GNG2: variants seen among roughly 807,000 people sequenced by gnomAD.
GNG2 encodes G protein subunit gamma 2.
A neutral mutation model predicts 5.5 loss-of-function variants in GNG2; 5 were observed. That is an observed-to-expected ratio of 0.91 (90% confidence interval 0.48 to 1.92). The LOEUF (loss-of-function observed/expected upper bound fraction) is 1.92, where lower values mean the gene tolerates loss of function less well. Among genes scored for constraint, GNG2 ranks in the 30% most tolerant of loss-of-function variants. The pLI is 0.01. For synonymous variants in GNG2, 28 were observed against 32.0 expected (o/e 0.88, Z 0.42); for missense variants, 55 against 88.4 (o/e 0.62, Z 1.52).
chr14:51,938,687 GCAAA>G (rs1888148751), intron 2 of GNG2, among the ~76,000 whole-genome samples: 1 of 152,168 alleles, frequency 6.6e-6, no homozygotes, highest in Admixed American at 6.5e-5. Flanking sequence ...CACAGTGATG[GCAAA>G]CAGTGAATTT....
At chr14:51,850,392 T>G (rs1400086710) in intron 2 of GNG2, among the ~76,000 whole-genome samples, 1 of 152,270 alleles carries the variant, frequency 6.6e-6, no homozygotes, top group East Asian at 1.9e-4. Flanking sequence ...CTAATCTTCT[T>G]CCTTATTCTC....
intron 1 of GNG2, among the ~76,000 whole-genome samples, chr14:51,864,048 C>T (rs1353645613): frequency 1.3e-5 from 2 of 152,174 alleles, no homozygotes; most frequent in Admixed American, 1.3e-4. Context: ...TGATGGAACA[C>T]AGTAATTATA....
chr14:51,845,673 T>C (rs751798585), intron 2 of GNG2, among the ~76,000 whole-genome samples: 6 of 152,168 alleles, frequency 3.9e-5, no homozygotes, highest in Non-Finnish European at 7.4e-5. Context: ...CAGAGAGTCA[T>C]CCCAGATGTC....
At chr14:51,867,998 A>G (rs1883027385) in intron 1 of GNG2, among the ~76,000 whole-genome samples, 1 of 152,108 alleles carries the variant, frequency 6.6e-6, no homozygotes, top group African/African-American at 2.4e-5. Flanking sequence ...TTTGTTTATC[A>G]TTCATTTATT....
At chr14:51,883,844 A>G (rs1201233902) in intron 2 of GNG2, among the ~76,000 whole-genome samples, 5 of 152,146 alleles carry the variant, frequency 3.3e-5, no homozygotes, top group African/African-American at 1.2e-4. Flanking sequence ...CATACACTAT[A>G]TACTGTGTAC....
intron 2 of GNG2, among the ~76,000 whole-genome samples, chr14:51,834,215 T>C (rs1482214763): frequency 6.6e-6 from 1 of 152,200 alleles, no homozygotes; most frequent in African/African-American, 2.4e-5. Flanking sequence ...TCTCAGAGGA[T>C]TCCTGTCTAT....
chr14:51,958,156 G>C (rs987225253), intron 3 of GNG2, among the ~76,000 whole-genome samples: 2 of 152,206 alleles, frequency 1.3e-5, no homozygotes, highest in Admixed American at 1.3e-4. Context: ...ACTGAAAGTG[G>C]TTATTGCGTC....
At chr14:51,892,485 G>C (rs1310311899) in intron 2 of GNG2, among the ~76,000 whole-genome samples, 1 of 151,980 alleles carries the variant, frequency 6.6e-6, no homozygotes, top group Non-Finnish European at 1.5e-5. Flanking sequence ...ATTTTTTATA[G>C]AGACGGTTTT....
chr14:51,865,750 T>C (rs1220957842), intron 1 of GNG2, among the ~76,000 whole-genome samples: 2 of 152,180 alleles, frequency 1.3e-5, no homozygotes, highest in Non-Finnish European at 1.5e-5. Context: ...TAGTACCCTA[T>C]GTAAATATGG....
At chr14:51,935,177 A>C (rs1265381923) in intron 2 of GNG2, among the ~76,000 whole-genome samples, 2 of 152,122 alleles carry the variant, frequency 1.3e-5, no homozygotes, top group Non-Finnish European at 2.9e-5. Flanking sequence ...GGTGCCTGCC[A>C]CCACGCCCCG....
intron 2 of GNG2, chr14:51,913,358 AAAG>A (rs1470929728): frequency 1.3e-5 from 2 of 152,168 alleles, no homozygotes; most frequent in African/African-American, 4.8e-5. Flanking sequence ...AATTTTTAAA[AAAG>A]AAAATTAGCC....
At chr14:51,851,944 T>A (rs1485030302) in intron 2 of GNG2, among the ~76,000 whole-genome samples, 1 of 152,228 alleles carries the variant, frequency 6.6e-6, no homozygotes, top group East Asian at 1.9e-4. Flanking sequence ...GCACCAAGTG[T>A]GTTGCTGGAA....
chr14:51,888,879 A>G (rs1301458094), intron 2 of GNG2, among the ~76,000 whole-genome samples: 2 of 152,204 alleles, frequency 1.3e-5, no homozygotes, highest in Admixed American at 1.3e-4. Context: ...TGGATTATTC[A>G]GCCATGAAAA....
At chr14:51,859,316 C>T (rs888740171), upstream of GNG2, among the ~76,000 whole-genome samples, 1 of 152,126 alleles carries the variant, frequency 6.6e-6, no homozygotes, top group African/African-American at 2.4e-5. Flanking sequence ...CCCAAAGTAC[C>T]TTGTGTTAGT....
chr14:51,949,820 G>T (rs1480354030), intron 2 of GNG2, among the ~76,000 whole-genome samples: 2 of 152,200 alleles, frequency 1.3e-5, no homozygotes, highest in Non-Finnish European at 1.5e-5. Context: ...AATAAAGTGA[G>T]ATGGTATGTC....
intron 2 of GNG2, among the ~76,000 whole-genome samples, chr14:51,845,722 A>T (rs141725620): frequency 6.6e-5 from 10 of 152,228 alleles, no homozygotes; most frequent in African/African-American, 2.2e-4. Flanking sequence ...TGGTAAATAA[A>T]CCTGGTCAAT....
intron 2 of GNG2, among the ~76,000 whole-genome samples, chr14:51,833,433 C>CGTT (rs1881250010): frequency 6.6e-6 from 1 of 152,140 alleles, no homozygotes; most frequent in Non-Finnish European, 1.5e-5. Flanking sequence ...TCTTGGCAAC[C>CGTT]CATTATCTTT....
rs939065869 is a variant in GNG2, at chr14:51,967,824, G to A, written c.*1137G>A. On this transcript the variant is annotated 3_prime_UTR_variant, in exon 4 of 4. Coordinates refer to ENST00000556766, the MANE Select transcript of GNG2 (RefSeq NM_053064.5). The stretch of plus-strand genomic sequence containing the variant: ...TTCTAGATTAAAAGAACATTTTTTT[G>A]TGCTCTTAACAAGAAAACCATGGCC... 8 of 151,068 alleles carry A rather than the reference G, an allele frequency of 5.3e-5. No homozygotes were observed. Among genetic ancestry groups the A allele is most frequent in the African/African-American group, 2.0e-4 (8 of 40,848 alleles). The allele number at this position is 151,068 out of a possible 1,614,324, so 9.4% of individuals were successfully genotyped here.
chr14:51,859,700 C>T (rs764813074), upstream of GNG2, among the ~76,000 whole-genome samples: 3 of 152,174 alleles, frequency 2.0e-5, no homozygotes, highest in Admixed American at 2.0e-4. Flanking sequence ...GATTGAAATT[C>T]TGGCAGACAG....
Sources: gnomAD v4.1 joint callset for allele counts (sites outside exome capture counted in the v4.1 genomes callset) on GRCh38, gnomAD v4.1.1 for gene constraint, MANE v1.5 for transcripts, NCBI Gene and HGNC (gene_info 2026-07-23, HGNC 2026-07-21) for gene names.